Variants in LRRC7 observed in about 807,000 individuals in gnomAD.
LRRC7 encodes the protein leucine rich repeat containing 7.
LRRC7 carries 23 observed loss-of-function variants against 175.7 expected under a neutral mutation model. The observed-to-expected ratio is 0.13, with a 90% confidence interval of 0.09 to 0.19. The LOEUF is 0.19. LRRC7 is among the 10% of genes least tolerant of loss of function. LRRC7 has a pLI of 1.00. For synonymous variants in LRRC7, 685 were observed against 680.9 expected, an observed-to-expected ratio of 1.01 and a Z score of -0.09; for missense variants, 1,354 against 1,904.7, an observed-to-expected ratio of 0.71 and a Z score of 5.38.
At chr1:69,880,513 C>G (rs1686491428) in intron 7 of LRRC7, among the ~76,000 whole-genome samples, 1 of 152,080 alleles carries the variant, frequency 6.6e-6, no homozygotes, top group South Asian at 2.1e-4. Context: ...CTTCTTAGAT[C>G]CTCTTAAATG....
chr1:70,081,309 C>A (rs531950791), intron 24 of LRRC7, among the ~76,000 whole-genome samples: 1 of 152,304 alleles, frequency 6.6e-6, no homozygotes, highest in East Asian at 1.9e-4. Context: ...TTGTTTCTCC[C>A]TTTTGCAAAT....
At chr1:70,088,513 C>G (rs543187720) in intron 24 of LRRC7, among the ~76,000 whole-genome samples, 13 of 152,220 alleles carry the variant, frequency 8.5e-5, no homozygotes, top group Admixed American at 5.9e-4. Flanking sequence ...CTGATTGCAA[C>G]ACTGCACTAT....
chr1:69,630,016 C>A (rs535409390), intron 1 of LRRC7, among the ~76,000 whole-genome samples: 107 of 152,176 alleles, frequency 7.0e-4, no homozygotes, highest in African/African-American at 2.5e-3. Context: ...GCATGTGCAC[C>A]TATCCTCTTT....
chr1:69,891,136 T>C (rs1460599149), intron 7 of LRRC7, among the ~76,000 whole-genome samples: 1 of 152,224 alleles, frequency 6.6e-6, no homozygotes, highest in Non-Finnish European at 1.5e-5. Context: ...GGTATAGCTT[T>C]TGGTTGACTC....
rs943509390 is a variant in LRRC7, at chr1:70,129,601, C to T, written c.*7714C>T. On this transcript the variant is annotated 3_prime_UTR_variant, in exon 27 of 27. Transcript: ENST00000651989. ...AAAAAGTCCCTCCTATGACCACTGTCAGGGAGCGTGGGAATCCATGCTGTC... is the reference window on the plus strand; with the variant it reads ...AAAAAGTCCCTCCTATGACCACTGTTAGGGAGCGTGGGAATCCATGCTGTC... Among the ~76,000 whole-genome samples the T allele has an allele frequency of 6.6e-6, 1 of 152,154 alleles. No individual in the cohort carries two copies. Among genetic ancestry groups the T allele is most frequent in the Non-Finnish European group, 1.5e-5 (1 of 68,028 alleles).
At position 69,797,697 on chromosome 1, in the gene LRRC7, C is replaced by T. The variant is rs757218181; in HGVS notation, c.421+5537C>T. ...CTAACTGGTCTCATCTCCATTATTGCCACCACAATTACCAAACCCATTCTC... is the reference window on the plus strand; with the variant it reads ...CTAACTGGTCTCATCTCCATTATTGTCACCACAATTACCAAACCCATTCTC... On this transcript the variant is annotated intron_variant, in intron 4 of 26. Transcript: ENST00000651989. 6.6e-4 allele frequency among the ~76,000 whole-genome samples: 100 copies of T among 152,118 alleles called. 2 individuals carry two copies. Among genetic ancestry groups the T allele is most frequent in the Non-Finnish European group, 3.8e-4 (26 of 68,022 alleles).
chr1:69,694,120 T>C (rs1002053674), intron 2 of LRRC7, among the ~76,000 whole-genome samples: 2 of 152,158 alleles, frequency 1.3e-5, no homozygotes, highest in Non-Finnish European at 2.9e-5. Flanking sequence ...GATCTCTTAT[T>C]GTTCTGCCTG....
chr1:69,677,339 G>GATTTCATATATTTCATAT (rs1659914482), intron 1 of LRRC7, among the ~76,000 whole-genome samples: 1 of 150,510 alleles, frequency 6.6e-6, no homozygotes, highest in Admixed American at 6.7e-5. Context: ...CAGTTAGGTT[G>GATTTCATATATTTCATAT]ATTTCATATA....
intron 1 of LRRC7, chr1:69,608,206 T>A (rs919861564): frequency 1.3e-5 from 2 of 152,204 alleles, no homozygotes; most frequent in African/African-American, 4.8e-5. Context: ...CTACAAAAAA[T>A]TTGTCATTTA....
chr1:69,796,466 CCAGA>C (rs1422942671), intron 4 of LRRC7, among the ~76,000 whole-genome samples: 2 of 152,052 alleles, frequency 1.3e-5, no homozygotes, highest in East Asian at 1.9e-4. Flanking sequence ...ACCCCATCAA[CCAGA>C]CAGAGTCCTC....
chr1:69,798,006 C>T (rs1675998900), intron 4 of LRRC7, among the ~76,000 whole-genome samples: 1 of 152,146 alleles, frequency 6.6e-6, no homozygotes, highest in African/African-American at 2.4e-5. Flanking sequence ...ACTGCAACCT[C>T]TGCCTCTCAG....
intron 2 of LRRC7, among the ~76,000 whole-genome samples, chr1:69,680,928 GTTTTC>G (rs926739416): frequency 3.9e-5 from 6 of 151,960 alleles, no homozygotes; most frequent in South Asian, 2.1e-4. Context: ...GATGTAGCGA[GTTTTC>G]TTTTCTCTCT....
intron 7 of LRRC7, among the ~76,000 whole-genome samples, chr1:69,920,798 C>T (rs1370563524): frequency 6.6e-6 from 1 of 152,166 alleles, no homozygotes; most frequent in East Asian, 1.9e-4. Flanking sequence ...TTCTTATTCA[C>T]TTGACACACT....
intron 2 of LRRC7, chr1:69,716,314 A>G (rs1464209911): frequency 4.9e-6 from 2 of 409,460 alleles, no homozygotes; most frequent in African/African-American, 4.1e-5. Context: ...TTGTAATTTT[A>G]AATTTATACT....
At chr1:70,053,466 A>G (rs79139092) in intron 23 of LRRC7, among the ~76,000 whole-genome samples, 3,938 of 152,288 alleles carry the variant, frequency 0.026, 117 homozygotes, top group African/African-American at 0.071. Flanking sequence ...CTTGGCTTTA[A>G]CAGTGTGTTG....
intron 1 of LRRC7, among the ~76,000 whole-genome samples, chr1:69,608,641 A>G (rs2100229369): frequency 6.6e-6 from 1 of 152,100 alleles, no homozygotes. Flanking sequence ...TAACAAATTC[A>G]GTTATATTTG....
intron 1 of LRRC7, among the ~76,000 whole-genome samples, chr1:69,589,108 T>TA (rs1646522258): frequency 7.3e-6 from 1 of 137,378 alleles, no homozygotes; most frequent in African/African-American, 2.9e-5. Context: ...TACCACTTCA[T>TA]AAAAAGGGTG....
chr1:69,981,351 C>T (rs1653409450), intron 9 of LRRC7, among the ~76,000 whole-genome samples: 1 of 152,118 alleles, frequency 6.6e-6, no homozygotes, highest in African/African-American at 2.4e-5. Flanking sequence ...AAGAACAAGA[C>T]ATTTATTCTG....
chr1:69,865,187 G>A (rs1684775289), intron 7 of LRRC7, among the ~76,000 whole-genome samples: 1 of 152,036 alleles, frequency 6.6e-6, no homozygotes, highest in Admixed American at 6.5e-5. Context: ...TAAGCACCAG[G>A]GCAGGTGCTT....
Sources: gnomAD v4.1 joint callset for allele counts (sites outside exome capture counted in the v4.1 genomes callset) on GRCh38, gnomAD v4.1.1 for gene constraint, MANE v1.5 for transcripts, NCBI Gene and HGNC (gene_info 2026-07-23, HGNC 2026-07-21) for gene names.